Variants in RCN3 observed in about 807,000 individuals in gnomAD.
RCN3 encodes reticulocalbin 3.
In RCN3, 41 loss-of-function variants were observed where a neutral mutation model predicts 35.9. That is an observed-to-expected ratio of 1.14 (90% CI 0.89 to 1.48). RCN3 has a LOEUF of 1.48. RCN3 is among the 40% of genes most tolerant of loss of function. The pLI, the probability that RCN3 is intolerant of heterozygous loss-of-function variation, is 0.00. For synonymous variants in RCN3, 187 were observed against 193.4 expected, an observed-to-expected ratio of 0.97 and a Z score of 0.27; for missense variants, 451 against 471.3, an observed-to-expected ratio of 0.96 and a Z score of 0.40.
chr19:49,537,116 C>A lies in RCN3; in HGVS notation c.529C>A (p.Gln177Lys). The A allele has an allele frequency of 6.3e-7, 1 of 1,598,114 alleles. No homozygotes were observed. Among genetic ancestry groups the A allele is most frequent in the Non-Finnish European group, 8.5e-7 (1 of 1,171,338 alleles). ...CGAGCGGCGTTTCCGGGTGGCCGAC[C>A]AGGATGGGGACTCGATGGCCACTCG... is the stretch of plus-strand genomic sequence containing the variant. ...RDERRFRVAD[Q>K]DGDSMATREE... The change falls in exon 4 of 7, where the codon CAG becomes AAG. Residue 177 changes from glutamine (Q) to lysine (K), a missense_variant. Transcript: ENST00000270645.
chr19:49,541,764 G>T (rs1359390834), intron 5 of RCN3, among the ~76,000 whole-genome samples: 1 of 151,758 alleles, frequency 6.6e-6, no homozygotes, highest in Non-Finnish European at 1.5e-5. Flanking sequence ...GGTGGATCAT[G>T]GGGTCAGGAG....
rs377395877 is a variant in RCN3, at chr19:49,543,246, G to A, written c.*33G>A. The A allele has an allele frequency of 1.4e-4, 218 of 1,551,834 alleles. 1 individual carries two copies. The East Asian group carries it at 2.4e-3, about 17-fold the overall frequency. On this transcript the variant is annotated 3_prime_UTR_variant, in exon 7 of 7. Transcript: ENST00000270645. The stretch of plus-strand genomic sequence containing the variant: ...GCACCTGCCACAGCCTCAGAGGCCC[G>A]CACAATGACCGGAGGAGGGGCCGCT...
At chr19:49,541,905 G>T (rs1265064910) in intron 5 of RCN3, among the ~76,000 whole-genome samples, 1 of 151,808 alleles carries the variant, frequency 6.6e-6, no homozygotes, top group Non-Finnish European at 1.5e-5. Context: ...GCTTGAACCT[G>T]GGAGGCAGAG....
Position 49,528,486 on chromosome 19 carries a change from C to G in RCN3, c.14C>G (p.Pro5Arg). The stretch of plus-strand genomic sequence containing the variant: ...CCCCAGGGACCGATGATGTGGCGAC[C>G]ATCAGTTCTGCTGCTTCTGTTGCTA... MMWR[P>R]SVLLLLLLLR... The change falls in exon 2 of 7, where the codon CCA becomes CGA. Residue 5 changes from proline (P) to arginine (R), a missense_variant. Physicochemically the swap from Pro to Arg is moderately radical, Grantham distance 103. Transcript: ENST00000270645. 7.3e-6 allele frequency: 11 copies of G among 1,513,546 alleles called. No homozygotes were observed. Among genetic ancestry groups the G allele is most frequent in the Non-Finnish European group, 9.7e-6 (11 of 1,131,148 alleles). 93.8% of individuals were successfully genotyped at this position (1,513,546 alleles called of 1,614,324 possible).
At chr19:49,540,279 G>A (rs1162122191) in intron 5 of RCN3, among the ~76,000 whole-genome samples, 1 of 152,016 alleles carries the variant, frequency 6.6e-6, no homozygotes, top group African/African-American at 2.4e-5. Flanking sequence ...CCAAAGAGCT[G>A]AGATTACAGG....
chr19:49,533,536 G>A (rs1021738273), intron 2 of RCN3, among the ~76,000 whole-genome samples: 6 of 152,300 alleles, frequency 3.9e-5, no homozygotes, highest in Admixed American at 6.5e-5. Flanking sequence ...ACAGGAGCCC[G>A]GAGGAGCATG....
At chr19:49,534,589 CTTATTTTTCTGGT>C (rs1392075703) in intron 3 of RCN3, among the ~76,000 whole-genome samples, 194 bp downstream of exon 3, 2 of 152,060 alleles carry the variant, frequency 1.3e-5, no homozygotes, top group Non-Finnish European at 2.9e-5. Context: ...TTTTCGTCTG[CTTATTTTTCTGGT>C]ATTTAGCTGC....
chr19:49,542,793 G>T (rs1449026025), intron 6 of RCN3, 41 bp downstream of exon 6: 1 of 1,524,230 alleles, frequency 6.6e-7, no homozygotes, highest in Non-Finnish European at 8.9e-7. Context: ...GAGCGGGTGG[G>T]CATTGCGGGC....
chr19:49,534,062 C>G (rs1568709410), intron 2 of RCN3, 131 bp from the exon 3 acceptor site: 2 of 951,680 alleles, frequency 2.1e-6, no homozygotes, highest in Non-Finnish European at 2.9e-6. Flanking sequence ...GCGCCCCTCC[C>G]CAGTTAGCCC....
At chr19:49,541,834 G>T (rs963558387) in intron 5 of RCN3, among the ~76,000 whole-genome samples, 2 of 151,970 alleles carry the variant, frequency 1.3e-5, no homozygotes, top group African/African-American at 2.4e-5. Flanking sequence ...ATAAAAATTA[G>T]CTGGGTGTGG....
chr19:49,539,253 G>C, intron 5 of RCN3, 74 bp downstream of exon 5: 1 of 1,206,458 alleles, frequency 8.3e-7, no homozygotes, highest in Non-Finnish European at 1.2e-6. Flanking sequence ...GGGGTAGCCG[G>C]AGGTACATCA....
At chr19:49,533,114 C>G (rs529742802) in intron 2 of RCN3, among the ~76,000 whole-genome samples, 2 of 152,326 alleles carry the variant, frequency 1.3e-5, no homozygotes, top group Non-Finnish European at 2.9e-5. Flanking sequence ...CACAGTCACA[C>G]AGCCAGTAAG....
rs1355380733 is a variant in RCN3 at position 49,537,103 on chromosome 19, C to G, written c.516C>G (p.Phe172Leu). ...KKMLARDERRFRVADQDGDSM... is the reference protein window; with the variant it reads ...KKMLARDERRLRVADQDGDSM... Reference sequence around the variant, plus strand: ...TGCTGGCTCGGGACGAGCGGCGTTTCCGGGTGGCCGACCAGGATGGGGACT... The same window carrying G: ...TGCTGGCTCGGGACGAGCGGCGTTTGCGGGTGGCCGACCAGGATGGGGACT... The change falls in exon 4 of 7, where the codon TTC becomes TTG. Residue 172 changes from phenylalanine to leucine, a missense_variant. Physicochemically the swap from Phe to Leu is conservative, Grantham distance 22 (BLOSUM62 0). Coordinates refer to ENST00000270645, the MANE Select transcript of RCN3 (RefSeq NM_020650.3). 9 of 1,598,540 alleles carry G rather than the reference C, an allele frequency of 5.6e-6. No individual in the cohort carries two copies. In the Admixed American group the frequency reaches 1.5e-4, roughly 27 times the overall value.
intron 5 of RCN3, among the ~76,000 whole-genome samples, chr19:49,540,572 A>G (rs2122739155): frequency 6.6e-6 from 1 of 152,024 alleles, no homozygotes; most frequent in African/African-American, 2.4e-5. Context: ...GTGAGCTGTA[A>G]TCGCGCCATT....
chr19:49,536,684 C>T (rs1316673611), intron 3 of RCN3, among the ~76,000 whole-genome samples: 5 of 150,958 alleles, frequency 3.3e-5, no homozygotes, highest in South Asian at 2.1e-4. Flanking sequence ...TCTCAGCTCA[C>T]GGCAACCTCC....
chr19:49,540,457 T>C (rs908381472), intron 5 of RCN3, among the ~76,000 whole-genome samples: 104 of 152,068 alleles, frequency 6.8e-4, no homozygotes, highest in African/African-American at 2.2e-3. Flanking sequence ...GATGGTGTAC[T>C]AAAAATACAA....
In RCN3 at chr19:49,542,697, A is replaced by G; in HGVS notation, c.824A>G (p.Gln275Arg). ...EVGHWVLPPA[Q>R]DQPLVEANHL... ...GGCCACTGGGTGCTGCCCCCTGCCC[A>G]GGACCAGCCCCTGGTGGAAGCCAAC... Residue 275 changes from glutamine to arginine, a missense_variant, in exon 6 of 7, where the codon CAG becomes CGG. Transcript: ENST00000270645. 1 of 1,597,248 alleles carries G rather than the reference A, an allele frequency of 6.3e-7. No homozygotes were observed. The highest frequency in any genetic ancestry group is 8.5e-7 in the Non-Finnish European group (1 of 1,173,476).
chr19:49,530,829 G>C (rs1282785126), intron 2 of RCN3, among the ~76,000 whole-genome samples: 3 of 152,174 alleles, frequency 2.0e-5, no homozygotes. Context: ...ACTTGGACAA[G>C]GCCTCCATGA....
chr19:49,528,213 CTG>C (rs2080090850), intron 1 of RCN3, 155 bp downstream of exon 1: 4 of 424,410 alleles, frequency 9.4e-6, no homozygotes, highest in African/African-American at 4.1e-5. Flanking sequence ...ACGTCTGTCT[CTG>C]TAATTCCCCC....
Sources: gnomAD v4.1 joint callset for allele counts (sites outside exome capture counted in the v4.1 genomes callset) on GRCh38, gnomAD v4.1.1 for gene constraint, MANE v1.5 for transcripts, NCBI Gene and HGNC (gene_info 2026-07-23, HGNC 2026-07-21) for gene names.